Variants in LRBA observed in about 807,000 individuals in gnomAD.
LRBA encodes LPS responsive beige-like anchor protein.
Under a neutral mutation model 330.0 loss-of-function variants are expected in LRBA, and 176 were observed. That is an observed-to-expected ratio of 0.53 (90% CI 0.47 to 0.60). The LOEUF (loss-of-function observed/expected upper bound fraction) is 0.60, where lower values mean the gene tolerates loss of function less well. Ranked by LOEUF, LRBA falls within the 20% of genes least tolerant of loss-of-function variation. The probability of loss-of-function intolerance (pLI) is 0.00; values close to 1 mark genes in which losing one functional copy is unlikely to be tolerated. For missense variants in LRBA, 3,259 were observed against 3,444.8 expected (o/e 0.95, Z 1.35); for synonymous variants, 1,230 against 1,193.0 (o/e 1.03, Z -0.64).
At chr4:150,934,098 T>C (rs1273329) in intron 2 of LRBA, among the ~76,000 whole-genome samples, 16,149 of 151,932 alleles carry the variant, frequency 0.11, 1,179 homozygotes, top group South Asian at 0.26. Flanking sequence ...TAAATACAAA[T>C]GGTATTAATA....
At chr4:150,330,217 C>T (rs1733808840) in intron 48 of LRBA, among the ~76,000 whole-genome samples, 1 of 152,092 alleles carries the variant, frequency 6.6e-6, no homozygotes, top group Non-Finnish European at 1.5e-5. Context: ...CCATCTCTGC[C>T]TTACATTTTC....
At chr4:150,434,286 T>C (rs1476302344) in intron 46 of LRBA, among the ~76,000 whole-genome samples, 2 of 152,148 alleles carry the variant, frequency 1.3e-5, no homozygotes, top group African/African-American at 4.8e-5. Flanking sequence ...AAAAATAGAC[T>C]GTATTTCTGT....
intron 36 of LRBA, among the ~76,000 whole-genome samples, chr4:150,729,088 G>A (rs1167270514): frequency 6.6e-6 from 1 of 152,152 alleles, no homozygotes. Context: ...GTGAAGATAA[G>A]GAGGTGGACT....
At chr4:150,575,910 A>G (rs1395068202) in intron 40 of LRBA, among the ~76,000 whole-genome samples, 1 of 151,908 alleles carries the variant, frequency 6.6e-6, no homozygotes, top group East Asian at 1.9e-4. Flanking sequence ...ACTTAAATTC[A>G]TTATTATCTG....
chr4:150,486,062 A>G (rs1235774946), intron 42 of LRBA, among the ~76,000 whole-genome samples: 1 of 151,924 alleles, frequency 6.6e-6, no homozygotes, highest in African/African-American at 2.4e-5. Context: ...TTAAATTGCT[A>G]AGAGAGTAGA....
intron 2 of LRBA, among the ~76,000 whole-genome samples, chr4:150,961,756 A>G (rs1738171943): frequency 6.7e-6 from 1 of 149,430 alleles, no homozygotes; most frequent in South Asian, 2.1e-4. Context: ...AAGCGGTAGC[A>G]GTAGATGAAT....
Position 150,374,330 on chromosome 4 carries a change from A to G in LRBA, c.7195-24171T>C, listed in dbSNP as rs111423583. Among the ~76,000 whole-genome samples, 1,001 of 152,328 alleles carry G rather than the reference A, an allele frequency of 6.6e-3. 10 individuals are homozygous for G. The highest frequency in any genetic ancestry group is 0.023 in the African/African-American group (957 of 41,576). On this transcript the variant is annotated intron_variant, in intron 47 of 56. Coordinates refer to ENST00000651943, the MANE Select transcript of LRBA (RefSeq NM_001364905.1). The stretch of plus-strand genomic sequence containing the variant: ...AGGCCATGTGCTCAAGTTATGGCTA[A>G]TGAGATATAAACAGAAGTAATGTGT...
intron 40 of LRBA, among the ~76,000 whole-genome samples, chr4:150,512,836 A>C (rs888459021): frequency 6.6e-6 from 1 of 152,216 alleles, no homozygotes; most frequent in Non-Finnish European, 1.5e-5. Flanking sequence ...ACAGGTAATA[A>C]AAATATGCAA....
In LRBA at chr4:150,844,646, C is replaced by T; in HGVS notation, c.4461+12G>A. ...GTATGCTTTTTGAAAATTAATTAAT[C>T]TGTATACTTACCTTCGCTGCAGATT... On this transcript the variant is annotated intron_variant, in intron 27 of 56. Transcript: ENST00000651943. 6.3e-7 allele frequency: 1 copy of T among 1,599,938 alleles called. No homozygotes were observed.
intron 22 of LRBA, among the ~76,000 whole-genome samples, chr4:150,866,594 A>G (rs894170982): frequency 3.9e-5 from 6 of 152,240 alleles, no homozygotes; most frequent in African/African-American, 9.6e-5. Flanking sequence ...GATACTTTGG[A>G]AAAGAATTTG....
At position 150,598,996 on chromosome 4, in the gene LRBA, T is replaced by C. The variant is rs532971810; in HGVS notation, c.6046+11A>G. Reference sequence around the variant, plus strand: ...CTGCTGCTATTGGCAAGGAATGGTTTATACACTGACCATGTTCCACGGCTG... The same window carrying C: ...CTGCTGCTATTGGCAAGGAATGGTTCATACACTGACCATGTTCCACGGCTG... On this transcript the variant is annotated intron_variant, in intron 38 of 56. Coordinates refer to ENST00000651943, the MANE Select transcript of LRBA (RefSeq NM_001364905.1). 1.2e-6 allele frequency: 2 copies of C among 1,613,992 alleles called. No homozygotes were observed. The highest frequency in any genetic ancestry group is 1.1e-5 in the South Asian group (1 of 91,078).
chr4:150,312,309 G>A (rs952570198), intron 51 of LRBA, among the ~76,000 whole-genome samples: 1 of 151,994 alleles, frequency 6.6e-6, no homozygotes, highest in African/African-American at 2.4e-5. Context: ...CATACCCCTG[G>A]AGGTGTAAGA....
At chr4:151,001,579 C>A (rs192606863) in intron 2 of LRBA, among the ~76,000 whole-genome samples, 18 of 152,242 alleles carry the variant, frequency 1.2e-4, no homozygotes, top group African/African-American at 4.3e-4. Flanking sequence ...CTGGCATCTA[C>A]CTGCATGAAC....
chr4:150,319,317 G>T (rs556376500), intron 50 of LRBA, among the ~76,000 whole-genome samples: 2 of 152,198 alleles, frequency 1.3e-5, no homozygotes, highest in African/African-American at 4.8e-5. Flanking sequence ...AGCTCTCAGG[G>T]CTGCCACAAA....
chr4:150,343,954 T>A (rs1250592478), intron 48 of LRBA, among the ~76,000 whole-genome samples: 1 of 152,178 alleles, frequency 6.6e-6, no homozygotes, highest in Admixed American at 6.6e-5. Context: ...ATGCTATCCG[T>A]CTACTCTCCA....
intron 47 of LRBA, among the ~76,000 whole-genome samples, chr4:150,391,247 CG>C (rs1478258857): frequency 3.3e-5 from 5 of 152,110 alleles, no homozygotes; most frequent in African/African-American, 1.2e-4. Flanking sequence ...AGAAGGAACC[CG>C]GGTCCTTTGA....
At chr4:150,360,878 C>T (rs745820015) in intron 47 of LRBA, among the ~76,000 whole-genome samples, 6 of 152,116 alleles carry the variant, frequency 3.9e-5, no homozygotes, top group Admixed American at 6.5e-5. Context: ...ATCTGAAAGA[C>T]GGCATTATGA....
intron 40 of LRBA, among the ~76,000 whole-genome samples, chr4:150,496,983 T>A (rs1759663958): frequency 6.6e-6 from 1 of 152,034 alleles, no homozygotes; most frequent in Admixed American, 6.6e-5. Flanking sequence ...TAGTCACAGG[T>A]TAACACTTTA....
intron 26 of LRBA, among the ~76,000 whole-genome samples, chr4:150,846,999 G>A (rs1205724030): frequency 6.6e-6 from 1 of 152,066 alleles, no homozygotes; most frequent in African/African-American, 2.4e-5. Context: ...CTCTTTCTAG[G>A]AAAGTGAAAA....
Sources: gnomAD v4.1 joint callset for allele counts (sites outside exome capture counted in the v4.1 genomes callset) on GRCh38, gnomAD v4.1.1 for gene constraint, MANE v1.5 for transcripts, NCBI Gene and HGNC (gene_info 2026-07-23, HGNC 2026-07-21) for gene names.